CTNNA3: variants seen among roughly 807,000 people sequenced by gnomAD.
The protein encoded by CTNNA3 is catenin alpha-3.
In CTNNA3, 76 loss-of-function variants were observed where a neutral mutation model predicts 95.7. That is an observed-to-expected ratio of 0.79 (90% CI 0.66 to 0.96). CTNNA3 has a LOEUF of 0.96. Among genes scored for constraint, CTNNA3 ranks in the 40% least tolerant of loss-of-function variants. CTNNA3 has a pLI of 0.00. For missense variants in CTNNA3, 1,191 were observed against 1,089.8 expected (o/e 1.09, Z -1.31); for synonymous variants, 431 against 374.4 (o/e 1.15, Z -1.74).
intron 9 of CTNNA3, among the ~76,000 whole-genome samples, chr10:66,655,684 A>G (rs1846051240): frequency 6.6e-6 from 1 of 152,048 alleles, no homozygotes; most frequent in African/African-American, 2.4e-5. Context: ...GATAGTAAGG[A>G]AGGAATGGCA....
intron 1 of CTNNA3, among the ~76,000 whole-genome samples, chr10:67,733,139 T>G (rs1006765661): frequency 2.0e-5 from 3 of 152,198 alleles, no homozygotes; most frequent in Admixed American, 6.5e-5. Flanking sequence ...GTGCAAGGAT[T>G]ATAATGAGTT....
Position 67,102,843 on chromosome 10 carries a change from A to T in CTNNA3, c.1047+77474T>A, listed in dbSNP as rs571201449. ...CAAGACAGTCTTTTCCTCAGTCTAT[A>T]GGAAATGACGGTCTGATTCCAGGTT... is the stretch of plus-strand genomic sequence containing the variant. On this transcript the variant is annotated intron_variant, in intron 7 of 17. Transcript: ENST00000433211. Among the ~76,000 whole-genome samples the T allele has an allele frequency of 5.9e-5, 9 of 151,994 alleles. No homozygotes were observed. The South Asian group carries it at 1.5e-3, about 25-fold the overall frequency.
chr10:66,383,678 G>T (rs1258954665), intron 11 of CTNNA3, among the ~76,000 whole-genome samples: 4 of 152,168 alleles, frequency 2.6e-5, no homozygotes, highest in African/African-American at 9.7e-5. Context: ...AGGGAAAAGT[G>T]TTAACGGCAG....
intron 5 of CTNNA3, among the ~76,000 whole-genome samples, chr10:67,379,193 CT>C (rs1221431450): frequency 1.3e-5 from 2 of 152,128 alleles, no homozygotes; most frequent in East Asian, 3.9e-4. Context: ...ATAATTCTGT[CT>C]TTTATTTTTT....
chr10:66,389,207 C>CA (rs1253256668), intron 11 of CTNNA3, among the ~76,000 whole-genome samples: 2 of 149,994 alleles, frequency 1.3e-5, no homozygotes, highest in African/African-American at 2.5e-5. Context: ...GTTCTCTCCT[C>CA]AAAAATTTTT....
chr10:67,162,026 G>A (rs1329447623), intron 7 of CTNNA3, among the ~76,000 whole-genome samples: 1 of 151,978 alleles, frequency 6.6e-6, no homozygotes, highest in Non-Finnish European at 1.5e-5. Flanking sequence ...AAATATAGAT[G>A]AAGCAAAAAC....
intron 5 of CTNNA3, among the ~76,000 whole-genome samples, chr10:67,286,182 C>A (rs1194142958): frequency 6.6e-6 from 1 of 152,194 alleles, no homozygotes; most frequent in Non-Finnish European, 1.5e-5. Flanking sequence ...AGAGACTTAG[C>A]TCTCCAAGTC....
At chr10:66,439,652 A>C (rs2093362523) in intron 11 of CTNNA3, among the ~76,000 whole-genome samples, 2 of 152,196 alleles carry the variant, frequency 1.3e-5, no homozygotes, top group Non-Finnish European at 2.9e-5. Flanking sequence ...TTTCAGAGGA[A>C]TATCCGGCTA....
Position 66,130,857 on chromosome 10 carries a change from A to C in CTNNA3, c.1885-27608T>G, listed in dbSNP as rs186332983. On this transcript the variant is annotated intron_variant, in intron 13 of 17. Coordinates refer to ENST00000433211, the MANE Select transcript of CTNNA3 (RefSeq NM_013266.4). ...GTGACACAGCAAGACTCCGTCTCAA[A>C]AACAAACAAAAAAAAAAAAAAAAGA... Among the ~76,000 whole-genome samples, 250 of 150,370 alleles carry C rather than the reference A, an allele frequency of 1.7e-3. 1 individual carries two copies. Among genetic ancestry groups the C allele is most frequent in the Admixed American group, 3.0e-3 (45 of 15,158 alleles).
chr10:67,686,221 G>T (rs1456997710), intron 1 of CTNNA3, among the ~76,000 whole-genome samples: 1 of 152,190 alleles, frequency 6.6e-6, no homozygotes, highest in Non-Finnish European at 1.5e-5. Context: ...TAAGGCTTGG[G>T]TAAGTGCCAC....
At chr10:66,484,799 A>G (rs1839669333) in intron 11 of CTNNA3, among the ~76,000 whole-genome samples, 1 of 152,042 alleles carries the variant, frequency 6.6e-6, no homozygotes, top group South Asian at 2.1e-4. Context: ...ATAGGCCAAT[A>G]TTCCTGATAA....
intron 7 of CTNNA3, chr10:66,926,837 T>A (rs960372075): frequency 8.1e-7 from 1 of 1,236,468 alleles, no homozygotes; most frequent in East Asian, 2.6e-5. Context: ...TTTTTAAAAA[T>A]GAAAAATATA....
chr10:66,525,363 C>T (rs192816415), intron 10 of CTNNA3, among the ~76,000 whole-genome samples: 2 of 152,200 alleles, frequency 1.3e-5, no homozygotes, highest in Admixed American at 1.3e-4. Flanking sequence ...TACATATTCA[C>T]CTAATTTTTT....
At chr10:67,484,439 A>G (rs1005349093) in intron 5 of CTNNA3, among the ~76,000 whole-genome samples, 1 of 151,576 alleles carries the variant, frequency 6.6e-6, no homozygotes, top group African/African-American at 2.4e-5. Context: ...ACCATTTACC[A>G]AAAAAAAAGT....
intron 11 of CTNNA3, among the ~76,000 whole-genome samples, chr10:66,471,724 ACAT>A (rs1430024359): frequency 2.0e-5 from 3 of 151,764 alleles, no homozygotes; most frequent in African/African-American, 7.3e-5. Context: ...CCAACTTAAG[ACAT>A]GCTCAGAAGT....
intron 5 of CTNNA3, among the ~76,000 whole-genome samples, chr10:67,458,407 G>C (rs1847250405): frequency 6.6e-6 from 1 of 152,074 alleles, no homozygotes; most frequent in Admixed American, 6.6e-5. Flanking sequence ...AGCATAGCTT[G>C]TACAAGAATA....
intron 7 of CTNNA3, chr10:66,928,542 G>GCC: frequency 8.2e-7 from 1 of 1,220,630 alleles, no homozygotes; most frequent in South Asian, 1.6e-5. Context: ...GGAACGCGAT[G>GCC]CCCCCCCTCC....
At chr10:66,613,808 A>G (rs1844413449) in intron 10 of CTNNA3, among the ~76,000 whole-genome samples, 1 of 152,138 alleles carries the variant, frequency 6.6e-6, no homozygotes, top group African/African-American at 2.4e-5. Flanking sequence ...AAGGCCTGAT[A>G]TGGCTTTTAC....
At position 66,411,394 on chromosome 10, in the gene CTNNA3, A is replaced by G. The variant is rs184673898; in HGVS notation, c.1532-32042T>C. Among the ~76,000 whole-genome samples the G allele has an allele frequency of 3.3e-4, 50 of 152,192 alleles. 1 individual carries two copies. The East Asian group carries it at 8.7e-3, about 26-fold the overall frequency. On this transcript the variant is annotated intron_variant, in intron 11 of 17. Coordinates refer to ENST00000433211, the MANE Select transcript of CTNNA3 (RefSeq NM_013266.4). ...CTTTGATTTTGTTTTTCCTTCTGGT[A>G]CATAAACACTATCAGGAGATAACAT...
Sources: gnomAD v4.1 joint callset for allele counts (sites outside exome capture counted in the v4.1 genomes callset) on GRCh38, gnomAD v4.1.1 for gene constraint, MANE v1.5 for transcripts, NCBI Gene and HGNC (gene_info 2026-07-23, HGNC 2026-07-21) for gene names.